The following ARPP21 variants were observed in gnomAD, a reference collection of about 807,000 sequenced individuals.
ARPP21 encodes cAMP regulated phosphoprotein 21.
Under a neutral mutation model 113.2 loss-of-function variants are expected in ARPP21, and 69 were observed. The ratio of observed to expected loss-of-function variants is 0.61; its 90% CI spans 0.50 to 0.74. The LOEUF (loss-of-function observed/expected upper bound fraction) is 0.74, where lower values mean the gene tolerates loss of function less well. ARPP21 is among the 30% of genes least tolerant of loss of function. ARPP21 has a pLI of 0.00. For missense variants in ARPP21, 1,070 were observed against 1,037.4 expected (o/e 1.03, Z -0.43); for synonymous variants, 368 against 375.5 (o/e 0.98, Z 0.23).
At chr3:35,667,841 A>AAAGAAGAAGAGGAAGAAGAAGAAGAAG (rs2074835045) in intron 1 of ARPP21, among the ~76,000 whole-genome samples, 1 of 81,504 alleles carries the variant, frequency 1.2e-5, no homozygotes, top group African/African-American at 6.0e-5. Flanking sequence ...TTTTATTCTC[A>AAAGAAGAAGAGGAAGAAGAAGAAGAAG]AAGAAGAAGA....
intron 12 of ARPP21, among the ~76,000 whole-genome samples, chr3:35,716,797 A>T (rs938724417): frequency 6.6e-6 from 1 of 151,920 alleles, no homozygotes; most frequent in Non-Finnish European, 1.5e-5. Flanking sequence ...GTTGGATTAT[A>T]TCCCACATTA....
intron 19 of ARPP21, among the ~76,000 whole-genome samples, chr3:35,751,317 G>C (rs2095396731): frequency 6.6e-6 from 1 of 152,096 alleles, no homozygotes; most frequent in South Asian, 2.1e-4. Flanking sequence ...CAGTTTCATA[G>C]AGCATTTTCC....
At chr3:35,717,186 A>G (rs988124124) in intron 12 of ARPP21, 112 bp from the exon 13 acceptor site, 20 of 603,080 alleles carry the variant, frequency 3.3e-5, no homozygotes, top group African/African-American at 3.0e-4. Context: ...TCATATAAAT[A>G]AAACTTTGTA....
At chr3:35,708,470 G>A (rs532614842) in intron 10 of ARPP21, among the ~76,000 whole-genome samples, 4 of 152,334 alleles carry the variant, frequency 2.6e-5, no homozygotes, top group Admixed American at 2.6e-4. Flanking sequence ...AAGAAATAAT[G>A]TCCACATCTT....
chr3:35,646,655 C>A (rs554317299), intron 1 of ARPP21, among the ~76,000 whole-genome samples: 5 of 152,172 alleles, frequency 3.3e-5, no homozygotes, highest in African/African-American at 1.2e-4. Context: ...TGGCACATAG[C>A]TGTATTAAAA....
At chr3:35,682,928 G>A (rs771173754) in intron 4 of ARPP21, 39 bp downstream of exon 4, 6 of 1,524,710 alleles carry the variant, frequency 3.9e-6, no homozygotes, top group Non-Finnish European at 5.4e-6. Flanking sequence ...TGATATCATG[G>A]GTATAAATTA....
intron 19 of ARPP21, among the ~76,000 whole-genome samples, chr3:35,770,468 T>A (rs2096158617): frequency 6.6e-6 from 1 of 152,212 alleles, no homozygotes; most frequent in Non-Finnish European, 1.5e-5. Context: ...AACTGAGCAT[T>A]CTAGAATAGC....
chr3:35,646,544 G>C (rs930685366), intron 1 of ARPP21, among the ~76,000 whole-genome samples: 1 of 151,916 alleles, frequency 6.6e-6, no homozygotes, highest in African/African-American at 2.4e-5. Context: ...TTTTTAAATG[G>C]GTGTAAAGAA....
At chr3:35,732,240 T>G (rs2094032880) in intron 15 of ARPP21, among the ~76,000 whole-genome samples, 1 of 152,186 alleles carries the variant, frequency 6.6e-6, no homozygotes, top group Non-Finnish European at 1.5e-5. Flanking sequence ...AAATGAAACT[T>G]CCTTTGTCAG....
intron 1 of ARPP21, among the ~76,000 whole-genome samples, chr3:35,661,940 T>C (rs1708035762): frequency 6.6e-6 from 1 of 152,138 alleles, no homozygotes. Flanking sequence ...GAATGCCTAT[T>C]ATGTGTCAGG....
At chr3:35,778,043 A>G (rs899049568) in intron 19 of ARPP21, among the ~76,000 whole-genome samples, 1 of 152,210 alleles carries the variant, frequency 6.6e-6, no homozygotes, top group African/African-American at 2.4e-5. Flanking sequence ...GCATCATCTG[A>G]CATATTACCA....
At chr3:35,790,678 C>T (rs891923541) in intron 19 of ARPP21, among the ~76,000 whole-genome samples, 3 of 152,146 alleles carry the variant, frequency 2.0e-5, no homozygotes, top group African/African-American at 7.2e-5. Flanking sequence ...GAACTCTGAG[C>T]TGATCTTGTT....
intron 19 of ARPP21, among the ~76,000 whole-genome samples, chr3:35,784,354 G>A (rs574310664): frequency 3.9e-5 from 6 of 152,198 alleles, no homozygotes; most frequent in Non-Finnish European, 7.4e-5. Context: ...GCCCTTTGAG[G>A]CTTGAAAGTA....
chr3:35,719,148 G>T (rs2092789292), intron 13 of ARPP21, among the ~76,000 whole-genome samples: 1 of 151,798 alleles, frequency 6.6e-6, no homozygotes, highest in Non-Finnish European at 1.5e-5. Flanking sequence ...TGTGCATGTG[G>T]TTTTCTACAA....
intron 14 of ARPP21, among the ~76,000 whole-genome samples, chr3:35,727,723 A>C (rs1226924592): frequency 6.6e-6 from 1 of 152,136 alleles, no homozygotes; most frequent in African/African-American, 2.4e-5. Context: ...CAAGTAATCT[A>C]TTAGTTTGAA....
intron 17 of ARPP21, 103 bp downstream of exon 17, chr3:35,738,421 G>A: frequency 1.1e-6 from 1 of 877,292 alleles, no homozygotes. Context: ...GGGTGCCCTG[G>A]GCTGACTGTG....
At chr3:35,641,942 T>G (rs1396455228) in intron 1 of ARPP21, among the ~76,000 whole-genome samples, 1 of 152,224 alleles carries the variant, frequency 6.6e-6, no homozygotes, top group Non-Finnish European at 1.5e-5. Context: ...ATTCATGTTT[T>G]AGATTTATCC....
At chr3:35,669,131 T>TTCCTTCTTTCCTTCCTTCCC (rs1182585970) in intron 1 of ARPP21, among the ~76,000 whole-genome samples, 2 of 152,100 alleles carry the variant, frequency 1.3e-5, no homozygotes, top group Non-Finnish European at 2.9e-5. Flanking sequence ...TCTTCCTTCT[T>TTCCTTCTTTCCTTCCTTCCC]TCCTTCTTTC....
At chr3:35,673,477 G>A (rs1575662436) in intron 1 of ARPP21, among the ~76,000 whole-genome samples, 1 of 151,934 alleles carries the variant, frequency 6.6e-6, no homozygotes, top group Admixed American at 6.6e-5. Flanking sequence ...GTTTGGGAGT[G>A]ATGATTTTGG....
Sources: gnomAD v4.1 joint callset for allele counts (sites outside exome capture counted in the v4.1 genomes callset) on GRCh38, gnomAD v4.1.1 for gene constraint, MANE v1.5 for transcripts, NCBI Gene and HGNC (gene_info 2026-07-23, HGNC 2026-07-21) for gene names.